CALB2: variants seen among roughly 807,000 people sequenced by gnomAD.
The protein encoded by CALB2 is calbindin 2.
Under a neutral mutation model 45.9 loss-of-function variants are expected in CALB2, and 34 were observed. The ratio of observed to expected loss-of-function variants is 0.74; its 90% CI spans 0.56 to 0.99. The LOEUF is 0.99. CALB2 is among the 50% of genes least tolerant of loss of function. The pLI is 0.00. For synonymous variants in CALB2, 142 were observed against 129.6 expected, an observed-to-expected ratio of 1.10 and a Z score of -0.65; for missense variants, 344 against 339.3, an observed-to-expected ratio of 1.01 and a Z score of -0.11.
At chr16:71,359,748 G>A (rs975422925) in intron 1 of CALB2, among the ~76,000 whole-genome samples, 1 of 152,190 alleles carries the variant, frequency 6.6e-6, no homozygotes, top group Non-Finnish European at 1.5e-5. Context: ...CTCCTTTAGA[G>A]GCTTTTGATA....
intron 4 of CALB2, among the ~76,000 whole-genome samples, chr16:71,378,529 G>C (rs1207281990): frequency 2.6e-5 from 4 of 152,068 alleles, no homozygotes; most frequent in Non-Finnish European, 5.9e-5. Flanking sequence ...CACAGAGCAA[G>C]ACCCTATCTC....
At chr16:71,382,169 G>T (rs2042505949) in intron 4 of CALB2, among the ~76,000 whole-genome samples, 1 of 91,250 alleles carries the variant, frequency 1.1e-5, no homozygotes, top group African/African-American at 3.7e-5. Context: ...AATAAAGGAA[G>T]GAAGGAACGA....
chr16:71,363,906 T>C (rs1459102158), intron 1 of CALB2, among the ~76,000 whole-genome samples: 2 of 152,204 alleles, frequency 1.3e-5, no homozygotes, highest in Non-Finnish European at 2.9e-5. Flanking sequence ...CTCTGAACCC[T>C]GTTAGTGAAC....
chr16:71,383,886 C>T (rs1394370983), intron 6 of CALB2, 84 bp from the exon 7 acceptor site: 4 of 1,497,040 alleles, frequency 2.7e-6, no homozygotes, highest in Non-Finnish European at 2.8e-6. Flanking sequence ...CACCCGTCCT[C>T]CTTCCCATCC....
intron 10 of CALB2, among the ~76,000 whole-genome samples, chr16:71,386,320 G>C (rs184757963): frequency 2.0e-5 from 3 of 152,334 alleles, no homozygotes; most frequent in African/African-American, 7.2e-5. Context: ...GTGTTGACGT[G>C]TGAAAGTGTT....
Position 71,371,015 on chromosome 16 carries a change from C to A in CALB2, c.95-1138C>A, listed in dbSNP as rs146479723. On this transcript the variant is annotated intron_variant, in intron 1 of 10. Coordinates refer to ENST00000302628, the MANE Select transcript of CALB2 (RefSeq NM_001740.5). ...CACTTTTCCCACAGATTCATTCCCA[C>A]CTTAGGCACGGGTTCTGGTAATGGA... Among the ~76,000 whole-genome samples, 492 of 152,310 alleles carry A rather than the reference C, an allele frequency of 3.2e-3. 3 individuals are homozygous for A. The highest frequency in any genetic ancestry group is 0.011 in the African/African-American group (476 of 41,566).
At chr16:71,363,656 G>A (rs142642105) in intron 1 of CALB2, among the ~76,000 whole-genome samples, 1 of 152,322 alleles carries the variant, frequency 6.6e-6, no homozygotes, top group African/African-American at 2.4e-5. Flanking sequence ...GAGATGAACG[G>A]GAACCTGGGC....
In CALB2 at chr16:71,369,561, T is replaced by C. The variant is rs191284760; in HGVS notation, c.95-2592T>C. The stretch of plus-strand genomic sequence containing the variant: ...TGCGGGCTTCCCCTACCCAGTTCCT[T>C]TCAGCCACCTCCCGATACACTCATG... On this transcript the variant is annotated intron_variant, in intron 1 of 10. Coordinates refer to ENST00000302628, the MANE Select transcript of CALB2 (RefSeq NM_001740.5). 2.9e-3 allele frequency among the ~76,000 whole-genome samples: 436 copies of C among 152,244 alleles called. 8 individuals are homozygous for C. In the South Asian group the frequency reaches 0.031, roughly 11 times the overall value.
intron 10 of CALB2, among the ~76,000 whole-genome samples, chr16:71,387,022 G>A (rs964310293): frequency 7.9e-5 from 12 of 152,308 alleles, no homozygotes; most frequent in African/African-American, 2.4e-4. Context: ...GTATGTGCCC[G>A]TATGTATCCA....
At chr16:71,371,504 C>G (rs1177794319) in intron 1 of CALB2, among the ~76,000 whole-genome samples, 1 of 152,188 alleles carries the variant, frequency 6.6e-6, no homozygotes, top group African/African-American at 2.4e-5. Flanking sequence ...GGTGAATCTG[C>G]TCCCTGCCTC....
chr16:71,380,550 T>C (rs2042479297), intron 4 of CALB2, among the ~76,000 whole-genome samples: 3 of 152,042 alleles, frequency 2.0e-5, no homozygotes, highest in Admixed American at 6.5e-5. Flanking sequence ...TCAGGTGGTC[T>C]GCCCACCTTG....
intron 2 of CALB2, among the ~76,000 whole-genome samples, 182 bp from the exon 3 acceptor site, chr16:71,374,563 T>C (rs1014501868): frequency 1.3e-5 from 2 of 152,108 alleles, no homozygotes; most frequent in Admixed American, 6.6e-5. Context: ...GAAGAAGAGA[T>C]GACTTAATTT....
intron 4 of CALB2, 36 bp downstream of exon 4, chr16:71,377,783 G>T (rs771978416): frequency 6.7e-7 from 1 of 1,496,520 alleles, no homozygotes. Context: ...CTAAGCACTG[G>T]GACCTGCCTT....
intron 1 of CALB2, among the ~76,000 whole-genome samples, chr16:71,363,454 G>A (rs1274781305): frequency 1.3e-5 from 2 of 152,170 alleles, no homozygotes; most frequent in African/African-American, 2.4e-5. Context: ...ATGGCTCTAC[G>A]CAGGCTCCCA....
intron 1 of CALB2, among the ~76,000 whole-genome samples, chr16:71,359,816 T>C (rs1328649914): frequency 6.6e-6 from 1 of 152,272 alleles, no homozygotes; most frequent in East Asian, 1.9e-4. Context: ...TTTCCCTCTC[T>C]ACGCACAGAC....
At chr16:71,383,261 AACAC>A in intron 5 of CALB2, 102 bp from the exon 6 acceptor site, 17 of 1,016,370 alleles carry the variant, frequency 1.7e-5, no homozygotes, top group Non-Finnish European at 2.1e-5. Flanking sequence ...AGACCTGAAA[AACAC>A]ACACACACAC....
chr16:71,358,758 G>A lies in CALB2; in HGVS notation c.-35G>A. On this transcript the variant is annotated 5_prime_UTR_variant, in exon 1 of 11. Transcript: ENST00000302628. ...CCAGAGCCCAGCCGGCGCGGAGCGG[G>A]AGCGGTGCAGGCTGAGGTCTCCGAG... The A allele has an allele frequency of 6.5e-7, 1 of 1,549,062 alleles. No individual in the cohort carries two copies. The highest frequency in any genetic ancestry group is 2.3e-5 in the East Asian group (1 of 42,956).
At chr16:71,384,476 A>G in intron 8 of CALB2, 98 bp downstream of exon 8, 1 of 914,682 alleles carries the variant, frequency 1.1e-6, no homozygotes. Flanking sequence ...CACACTACAC[A>G]CACCCACACA....
intron 1 of CALB2, among the ~76,000 whole-genome samples, chr16:71,366,346 A>T (rs61183655): frequency 0.51 from 13,962 of 27,524 alleles, 3,514 homozygotes; most frequent in African/African-American, 0.55. Flanking sequence ...TTTTTTTTTG[A>T]GAGAGAGAGA....
Sources: allele counts gnomAD v4.1 joint callset (sites outside exome capture counted in the v4.1 genomes callset), GRCh38; gene constraint gnomAD v4.1.1; transcripts MANE v1.5; gene names NCBI Gene and HGNC (gene_info 2026-07-23, HGNC 2026-07-21).